GALNT13: variants seen among roughly 807,000 people sequenced by gnomAD.
GALNT13 encodes UDP-GalNAc:polypeptide N-acetylgalactosaminyltransferase 13.
In GALNT13, 28 loss-of-function variants were observed where a neutral mutation model predicts 64.2. The observed-to-expected ratio is 0.44, with a 90% CI of 0.32 to 0.60. The LOEUF is 0.60. Among genes scored for constraint, GALNT13 ranks in the 20% least tolerant of loss-of-function variants. GALNT13 has a pLI of 0.05. For synonymous variants in GALNT13, 214 were observed against 224.6 expected (o/e 0.95, Z 0.42); for missense variants, 577 against 669.8 (o/e 0.86, Z 1.53).
At chr2:153,348,063 C>G in the GALNT13 span, among the ~76,000 whole-genome samples, 1 of 152,216 alleles carries the variant, frequency 6.6e-6, no homozygotes, top group Admixed American at 6.5e-5. Flanking sequence ...GGTCAACCTC[C>G]CTGAGAATTT....
At chr2:153,615,411 A>T in the GALNT13 span, among the ~76,000 whole-genome samples, 1 of 152,102 alleles carries the variant, frequency 6.6e-6, no homozygotes, top group East Asian at 1.9e-4. Flanking sequence ...TTCCTGGATC[A>T]TATGGTAGCT....
chr2:153,080,767 T>G, the GALNT13 span, among the ~76,000 whole-genome samples: 4 of 152,114 alleles, frequency 2.6e-5, no homozygotes, highest in African/African-American at 9.6e-5. Flanking sequence ...CTTTGAATAT[T>G]CTGCAGTTTC....
the GALNT13 span, chr2:153,478,386 C>A: frequency 6.2e-7 from 1 of 1,614,192 alleles, no homozygotes; most frequent in South Asian, 1.1e-5. Context: ...CGCACATGAC[C>A]GCGATCTGCA....
At chr2:153,506,264 C>A in the GALNT13 span, among the ~76,000 whole-genome samples, 1 of 152,110 alleles carries the variant, frequency 6.6e-6, no homozygotes, top group East Asian at 1.9e-4. Flanking sequence ...CTGAAGACAG[C>A]AGAAACTTGG....
At chr2:153,550,310 C>G in the GALNT13 span, among the ~76,000 whole-genome samples, 12 of 151,838 alleles carry the variant, frequency 7.9e-5, no homozygotes, top group African/African-American at 2.7e-4. Flanking sequence ...TCTCGGCTCA[C>G]TGCAACCTCT....
intron 3 of GALNT13, among the ~76,000 whole-genome samples, chr2:154,043,674 A>G (rs1031111303): frequency 1.3e-5 from 2 of 152,044 alleles, no homozygotes; most frequent in African/African-American, 4.8e-5. Flanking sequence ...TATTCATTGA[A>G]TGTCTGACTT....
chr2:154,368,642 T>C (rs1697506425), intron 9 of GALNT13, among the ~76,000 whole-genome samples: 1 of 152,140 alleles, frequency 6.6e-6, no homozygotes, highest in Admixed American at 6.6e-5. Flanking sequence ...TGCCATTGAC[T>C]TGTTATTGGA....
the GALNT13 span, among the ~76,000 whole-genome samples, chr2:153,329,542 T>C: frequency 3.9e-5 from 6 of 152,230 alleles, no homozygotes; most frequent in South Asian, 2.1e-4. Context: ...GCTGGACATT[T>C]TTTCATATGT....
chr2:154,286,319 A>T (rs1268269991), intron 8 of GALNT13, among the ~76,000 whole-genome samples: 1 of 152,210 alleles, frequency 6.6e-6, no homozygotes, highest in Non-Finnish European at 1.5e-5. Context: ...GCCTTATCAT[A>T]CATGGCTTTT....
chr2:153,331,246 G>A, the GALNT13 span, among the ~76,000 whole-genome samples: 1 of 142,816 alleles, frequency 7.0e-6, no homozygotes, highest in Non-Finnish European at 1.5e-5. Flanking sequence ...TTTTCATCAT[G>A]TCTTTGCCAA....
the GALNT13 span, among the ~76,000 whole-genome samples, chr2:153,788,622 A>T: frequency 1.3e-5 from 2 of 152,158 alleles, no homozygotes; most frequent in African/African-American, 4.8e-5. Flanking sequence ...TAATGTAAAC[A>T]TGCTAAAAGC....
At chr2:153,398,454 G>A in the GALNT13 span, among the ~76,000 whole-genome samples, 2 of 151,808 alleles carry the variant, frequency 1.3e-5, no homozygotes, top group Admixed American at 1.3e-4. Context: ...GGGATGGCTG[G>A]GTCAAATGGT....
chr2:153,746,726 T>C, the GALNT13 span, among the ~76,000 whole-genome samples: 1 of 152,146 alleles, frequency 6.6e-6, no homozygotes, highest in African/African-American at 2.4e-5. Flanking sequence ...AGAGTTTAAG[T>C]TATTCTGTAT....
intron 1 of GALNT13, among the ~76,000 whole-genome samples, chr2:153,876,082 C>T (rs2105223388): frequency 6.6e-6 from 1 of 152,012 alleles, no homozygotes; most frequent in South Asian, 2.1e-4. Context: ...TAAATCCTTC[C>T]CTCTGCTCTT....
chr2:153,394,882 A>T, the GALNT13 span, among the ~76,000 whole-genome samples: 1 of 152,102 alleles, frequency 6.6e-6, no homozygotes, highest in East Asian at 1.9e-4. Context: ...TCTGCTCAGG[A>T]TCTCACAAGT....
chr2:153,796,345 G>A, the GALNT13 span, among the ~76,000 whole-genome samples: 1,175 of 152,256 alleles, frequency 7.7e-3, 13 homozygotes, highest in African/African-American at 0.027. Context: ...CAAAACATGC[G>A]AAAGGTGACC....
At chr2:153,958,960 A>G (rs1487632983) in intron 3 of GALNT13, among the ~76,000 whole-genome samples, 1 of 152,244 alleles carries the variant, frequency 6.6e-6, no homozygotes, top group Non-Finnish European at 1.5e-5. Flanking sequence ...GCTGTCCATC[A>G]GGCCAGGGGC....
At chr2:153,518,418 A>G in the GALNT13 span, among the ~76,000 whole-genome samples, 2 of 152,288 alleles carry the variant, frequency 1.3e-5, no homozygotes, top group South Asian at 4.1e-4. Flanking sequence ...TATAAAAATG[A>G]GAATGAATAA....
chr2:153,345,716 T>TCCTTCCTTCCTTC, the GALNT13 span, among the ~76,000 whole-genome samples: 123 of 79,340 alleles, frequency 1.6e-3, 2 homozygotes, highest in Non-Finnish European at 2.3e-3. Context: ...TTTCTCTCTT[T>TCCTTCCTTCCTTC]CTGTCCTTCC....
Sources: gnomAD v4.1 joint callset for allele counts (sites outside exome capture counted in the v4.1 genomes callset) on GRCh38, gnomAD v4.1.1 for gene constraint, MANE v1.5 for transcripts, NCBI Gene and HGNC (gene_info 2026-07-23, HGNC 2026-07-21) for gene names.